The following ANKRD17 variants were observed in gnomAD, a reference collection of about 807,000 sequenced individuals.
ANKRD17 encodes the protein ankyrin repeat domain-containing protein 17.
A neutral mutation model predicts 229.7 loss-of-function variants in ANKRD17; 19 were observed. The observed-to-expected ratio is 0.08, with a 90% CI of 0.06 to 0.12. ANKRD17 has a LOEUF of 0.12. Ranked by LOEUF, ANKRD17 falls within the 10% of genes least tolerant of loss-of-function variation. The probability of loss-of-function intolerance (pLI) is 1.00; values close to 1 mark genes in which losing one functional copy is unlikely to be tolerated. For synonymous variants in ANKRD17, 1,112 were observed against 1,146.1 expected (o/e 0.97, Z 0.60); for missense variants, 2,176 against 3,176.8 (o/e 0.68, Z 7.57).
At chr4:73,102,645 T>A in intron 24 of ANKRD17, 98 bp from the exon 25 acceptor site, 1 of 1,397,040 alleles carries the variant, frequency 7.2e-7, no homozygotes, top group Non-Finnish European at 9.7e-7. Context: ...CATGATATCA[T>A]AAAATTCAAA....
At chr4:73,178,173 C>T (rs1734982302) in intron 1 of ANKRD17, among the ~76,000 whole-genome samples, 1 of 152,158 alleles carries the variant, frequency 6.6e-6, no homozygotes, top group Non-Finnish European at 1.5e-5. Flanking sequence ...AGACTCACTT[C>T]AAACATTTTT....
At chr4:73,124,762 A>C in intron 18 of ANKRD17, 151 bp downstream of exon 18, 1 of 976,028 alleles carries the variant, frequency 1.0e-6, no homozygotes, top group Non-Finnish European at 1.5e-6. Flanking sequence ...GCTAACAATG[A>C]TACTCATCTT....
chr4:73,122,453 T>C (rs1003490127), intron 18 of ANKRD17, among the ~76,000 whole-genome samples: 3 of 152,156 alleles, frequency 2.0e-5, no homozygotes, highest in Non-Finnish European at 4.4e-5. Flanking sequence ...TGGATCTTAA[T>C]TGCATTTCCT....
chr4:73,247,928 A>C (rs1455950544), intron 1 of ANKRD17, among the ~76,000 whole-genome samples: 2 of 149,754 alleles, frequency 1.3e-5, no homozygotes, highest in African/African-American at 5.0e-5. Flanking sequence ...TATTCTTTAG[A>C]TCTTTTTGAG....
intron 24 of ANKRD17, chr4:73,112,598 TTAGAA>T (rs1725449564): frequency 2.0e-6 from 1 of 512,764 alleles, no homozygotes; most frequent in South Asian, 8.6e-5. Context: ...CAAATTTAAA[TTAGAA>T]TAAAGTACTT....
chr4:73,085,682 CAA>C (rs756555808), intron 29 of ANKRD17, among the ~76,000 whole-genome samples: 17 of 89,486 alleles, frequency 1.9e-4, no homozygotes, highest in Admixed American at 2.3e-4. Flanking sequence ...GACCCCACCT[CAA>C]AAAAAAAAAA....
chr4:73,098,081 A>C lies in ANKRD17; in HGVS notation c.5013T>G (p.Ala1671=), dbSNP rs367596863. Residue 1671 remains alanine (A), a synonymous_variant, in exon 26 of 34, where the codon GCT becomes GCG. Transcript: ENST00000358602. ...KEERKSVSGK[A]SIKLSETISE... is the part of the protein sequence containing the mutation. ...TAAAAATTGGAACTAACTTTATTGA[A>C]GCCTTGCCAGAAACAGATTTTCTCT... The C allele has an allele frequency of 6.3e-7, 1 of 1,596,196 alleles. No homozygotes were observed. The highest frequency in any genetic ancestry group is 8.6e-7 in the Non-Finnish European group (1 of 1,168,752).
intron 1 of ANKRD17, among the ~76,000 whole-genome samples, chr4:73,188,630 A>G (rs531220374): frequency 6.6e-6 from 1 of 152,260 alleles, no homozygotes; most frequent in African/African-American, 2.4e-5. Context: ...GAAATGTATT[A>G]AATTCATTAG....
chr4:73,101,252 C>T, intron 25 of ANKRD17: 1 of 965,148 alleles, frequency 1.0e-6, no homozygotes, highest in Non-Finnish European at 1.2e-6. Context: ...AAAATGATTC[C>T]TTCATTTGAA....
intron 24 of ANKRD17, among the ~76,000 whole-genome samples, chr4:73,111,380 A>C (rs912995295): frequency 1.3e-5 from 2 of 152,222 alleles, no homozygotes; most frequent in Non-Finnish European, 2.9e-5. Context: ...TGGATACACC[A>C]GACAAAAGGA....
chr4:73,171,148 C>A (rs1733938332), intron 2 of ANKRD17, among the ~76,000 whole-genome samples: 1 of 147,064 alleles, frequency 6.8e-6, no homozygotes, highest in Admixed American at 6.8e-5. Context: ...TTGTGTCACC[C>A]CAACCCCAGC....
chr4:73,137,135 A>G (rs1729006101), intron 15 of ANKRD17, among the ~76,000 whole-genome samples: 1 of 152,072 alleles, frequency 6.6e-6, no homozygotes. Context: ...TCCATTCTCT[A>G]CAACTAAAAG....
chr4:73,153,512 G>A (rs1259832792), intron 6 of ANKRD17, among the ~76,000 whole-genome samples: 1 of 151,964 alleles, frequency 6.6e-6, no homozygotes, highest in African/African-American at 2.4e-5. Flanking sequence ...TGCCAAAGGA[G>A]GGCATTTTCT....
intron 3 of ANKRD17, among the ~76,000 whole-genome samples, chr4:73,158,152 A>AAAAGAAAG (rs71215492): frequency 0.095 from 12,205 of 128,718 alleles, 783 homozygotes; most frequent in South Asian, 0.17. Flanking sequence ...GAAAGGAAGA[A>AAAAGAAAG]AAAGAAAGAA....
intron 11 of ANKRD17, among the ~76,000 whole-genome samples, chr4:73,143,800 G>GCA (rs1411810720): frequency 2.0e-5 from 3 of 152,092 alleles, no homozygotes; most frequent in African/African-American, 7.2e-5. Context: ...GAGTGCAGTG[G>GCA]CACAATCATA....
chr4:73,148,705 G>A, intron 8 of ANKRD17, 108 bp downstream of exon 8: 1 of 971,604 alleles, frequency 1.0e-6, no homozygotes. Context: ...TTGTGTAATA[G>A]CTCATTGCAA....
Position 73,098,403 on chromosome 4 carries a change from G to A in ANKRD17, c.4691C>T (p.Thr1564Ile). The A allele has an allele frequency of 6.2e-7, 1 of 1,614,168 alleles. No homozygotes were observed. The highest frequency in any genetic ancestry group is 8.5e-7 in the Non-Finnish European group (1 of 1,180,020). Residue 1564 changes from threonine (T) to isoleucine (I), a missense_variant, in exon 26 of 34, where the codon ACA becomes ATA. Physicochemically the swap from Thr to Ile is moderately conservative, Grantham distance 89. Coordinates refer to ENST00000358602, the MANE Select transcript of ANKRD17 (RefSeq NM_032217.5). ...CCTGTTTTTCCTCTTTGAACTGGTT[G>A]TAGTTATGGTATTATTTCTTTTACC... The part of the protein sequence containing the change: ...SHGKRNNTIT[T>I]TSSKRKNRKN...
intron 1 of ANKRD17, among the ~76,000 whole-genome samples, chr4:73,231,622 C>G (rs1271804121): frequency 6.6e-6 from 1 of 152,186 alleles, no homozygotes; most frequent in African/African-American, 2.4e-5. Context: ...GGCATACACT[C>G]CTATAATCCT....
intron 30 of ANKRD17, 115 bp downstream of exon 30, chr4:73,085,134 T>G: frequency 2.5e-6 from 3 of 1,176,526 alleles, no homozygotes; most frequent in Non-Finnish European, 2.4e-6. Flanking sequence ...AATTCCAGAC[T>G]TCTAAGAGTA....
Sources: allele counts gnomAD v4.1 joint callset (sites outside exome capture counted in the v4.1 genomes callset), GRCh38; gene constraint gnomAD v4.1.1; transcripts MANE v1.5; gene names NCBI Gene and HGNC (gene_info 2026-07-23, HGNC 2026-07-21).